The following CEP57 variants were observed in gnomAD, a reference collection of about 807,000 sequenced individuals.
CEP57 encodes the protein centrosomal protein of 57 kDa.
A neutral mutation model predicts 68.0 loss-of-function variants in CEP57; 40 were observed. That is an observed-to-expected ratio of 0.59 (90% CI 0.46 to 0.77). The LOEUF (loss-of-function observed/expected upper bound fraction) is 0.77, where lower values mean the gene tolerates loss of function less well. Ranked by LOEUF, CEP57 falls within the 30% of genes least tolerant of loss-of-function variation. The probability of loss-of-function intolerance (pLI) is 0.00; values close to 1 mark genes in which losing one functional copy is unlikely to be tolerated. For missense variants in CEP57, 606 were observed against 580.7 expected, an observed-to-expected ratio of 1.04 and a Z score of -0.45; for synonymous variants, 219 against 198.7, an observed-to-expected ratio of 1.10 and a Z score of -0.86.
At chr11:95,812,823 T>A (rs1423225700) in intron 2 of CEP57, 109 bp from the exon 3 acceptor site, 2 of 930,098 alleles carry the variant, frequency 2.2e-6, no homozygotes, top group Admixed American at 1.7e-5. Context: ...GATCCTCCAC[T>A]GGACTCATCC....
At chr11:95,811,685 A>C (rs1862068427) in intron 2 of CEP57, among the ~76,000 whole-genome samples, 1 of 152,176 alleles carries the variant, frequency 6.6e-6, no homozygotes, top group African/African-American at 2.4e-5. Context: ...AAAATGAAGA[A>C]AACTTTTTCC....
intron 4 of CEP57, chr11:95,815,170 T>C (rs1862251809): frequency 6.6e-6 from 1 of 152,246 alleles, no homozygotes; most frequent in African/African-American, 2.4e-5. Flanking sequence ...TTACCGTGTA[T>C]GCTTTCTACC....
chr11:95,813,338 T>C, intron 3 of CEP57, 130 bp from the exon 4 acceptor site: 2 of 1,167,268 alleles, frequency 1.7e-6, no homozygotes, highest in East Asian at 5.0e-5. Context: ...ATTTAGGTAA[T>C]CTGAAAAGGC....
chr11:95,812,995 A>G lies in CEP57; in HGVS notation c.266A>G (p.Gln89Arg). Residue 89 changes from glutamine to arginine, a missense_variant, in exon 3 of 11, where the codon CAG becomes CGG. Transcript: ENST00000325542. Reference sequence around the variant, plus strand: ...CGACGCTTGGAACTTGAGAGGATTCAGGCAGAAGAAAGTGTGAAAACCTTG... The same window carrying G: ...CGACGCTTGGAACTTGAGAGGATTCGGGCAGAAGAAAGTGTGAAAACCTTG... ...KIRRLELERI[Q>R]AEESVKTLSR... The G allele has an allele frequency of 1.9e-6, 3 of 1,614,100 alleles. No individual in the cohort carries two copies. The highest frequency in any genetic ancestry group is 2.5e-6 in the Non-Finnish European group (3 of 1,179,996).
At position 95,818,825 on chromosome 11, in the gene CEP57, A is replaced by G; in HGVS notation, c.622-2A>G. 5 of 1,612,668 alleles carry G rather than the reference A, an allele frequency of 3.1e-6. No individual in the cohort carries two copies. The highest frequency in any genetic ancestry group is 4.2e-6 in the Non-Finnish European group (5 of 1,178,722). ...TATCCCTTTTGACATTTTTATCACT[A>G]GAAAAAAATGCAAGAGTTGGAAGCA... On this transcript the variant is annotated splice_acceptor_variant, in intron 5 of 10. Transcript: ENST00000325542. LOFTEE classifies it high-confidence loss of function.
Position 95,799,318 on chromosome 11 carries a change from T to C in CEP57, c.132T>C (p.Pro44=), listed in dbSNP as rs1028088557. 3.7e-6 allele frequency: 6 copies of C among 1,614,026 alleles called. No individual in the cohort carries two copies. The Admixed American group carries it at 5.0e-5, about 13-fold the overall frequency. Residue 44 remains proline, a synonymous_variant, in exon 2 of 11, where the codon CCT becomes CCC. Transcript: ENST00000325542. ...ATGTAGTATATCCTTCGGATAAGCC[T>C]TTCCTTAATAGTGATCTACGACGCT... ...SPYVVYPSDK[P]FLNSDLRRSP... is the part of the protein sequence containing the mutation.
intron 6 of CEP57, among the ~76,000 whole-genome samples, chr11:95,820,608 C>T (rs2135347909): frequency 6.8e-6 from 1 of 147,528 alleles, no homozygotes; most frequent in Non-Finnish European, 1.5e-5. Flanking sequence ...CAGTGTTCTG[C>T]ATTTTGCATC....
intron 8 of CEP57, chr11:95,827,451 G>A: frequency 3.5e-6 from 1 of 281,950 alleles, no homozygotes; most frequent in Non-Finnish European, 6.9e-6. Flanking sequence ...TTTAAAGAAT[G>A]ATATAAATGT....
At chr11:95,817,645 G>GC (rs755479917) in intron 4 of CEP57, 142 bp from the exon 5 acceptor site, 8 of 677,810 alleles carry the variant, frequency 1.2e-5, no homozygotes, top group Non-Finnish European at 2.2e-5. Context: ...ATTTATTGAT[G>GC]CCCCCTATGG....
rs543920220 is a variant in CEP57 at position 95,831,385 on chromosome 11, G to A, written c.*129G>A. The A allele has an allele frequency of 1.5e-4, 105 of 697,000 alleles. No individual in the cohort carries two copies. Among genetic ancestry groups the A allele is most frequent in the Non-Finnish European group, 2.4e-4 (93 of 393,882 alleles). The allele number at this position is 697,000 out of a possible 1,614,324, so 43.2% of individuals were successfully genotyped here. On this transcript the variant is annotated 3_prime_UTR_variant, in exon 11 of 11. Coordinates refer to ENST00000325542, the MANE Select transcript of CEP57 (RefSeq NM_014679.5). The stretch of plus-strand genomic sequence containing the variant: ...TAATAGCAGGTGTTAAAGGACCCAG[G>A]CTTCATTACACAGGCTTTTCATGTA...
At chr11:95,800,009 G>A (rs1327336893) in intron 2 of CEP57, among the ~76,000 whole-genome samples, 3 of 151,962 alleles carry the variant, frequency 2.0e-5, no homozygotes, top group Admixed American at 6.6e-5. Flanking sequence ...TTTATTCCTG[G>A]AACCTGCCAT....
chr11:95,806,755 A>G (rs1304748285), intron 2 of CEP57, among the ~76,000 whole-genome samples: 1 of 152,170 alleles, frequency 6.6e-6, no homozygotes, highest in Non-Finnish European at 1.5e-5. Context: ...CCGCAGCTCA[A>G]AGAGGCCTGC....
chr11:95,820,272 CAAT>C (rs1315518803), intron 6 of CEP57, among the ~76,000 whole-genome samples: 1 of 152,010 alleles, frequency 6.6e-6, no homozygotes, highest in Non-Finnish European at 1.5e-5. Context: ...ACTGAAAGAA[CAAT>C]GAGGGATAGA....
At chr11:95,829,124 A>G in intron 9 of CEP57, 63 bp from the exon 10 acceptor site, 2 of 1,553,268 alleles carry the variant, frequency 1.3e-6, no homozygotes, top group Non-Finnish European at 1.8e-6. Context: ...ATAATGAGGT[A>G]TAATAGACCT....
rs1018322860 is a variant in CEP57, at chr11:95,827,678, T to A, written c.886-108T>A. 4.1e-6 allele frequency: 5 copies of A among 1,221,100 alleles called. No homozygotes were observed. In the East Asian group the frequency reaches 9.3e-5, roughly 23 times the overall value. 75.6% of individuals were successfully genotyped at this position (1,221,100 alleles called of 1,614,324 possible). On this transcript the variant is annotated intron_variant, in intron 8 of 10. Coordinates refer to ENST00000325542, the MANE Select transcript of CEP57 (RefSeq NM_014679.5). ...GATGAGAATAATTTTAGGATTTATA[T>A]ACTCTACTTTAGGGGGTGGAGAGTT...
At chr11:95,790,469 A>G (rs1243168916), upstream of CEP57, 2 of 596,676 alleles carry the variant, frequency 3.4e-6, no homozygotes, top group Non-Finnish European at 6.0e-6. Flanking sequence ...TTGATTGGCT[A>G]GGAAAGACGT....
chr11:95,808,690 C>G (rs1226019626), intron 2 of CEP57, among the ~76,000 whole-genome samples: 2 of 152,106 alleles, frequency 1.3e-5, no homozygotes, highest in Non-Finnish European at 2.9e-5. Context: ...ACAGGAGCAC[C>G]CAGATTCATA....
chr11:95,792,939 G>T (rs374733083), intron 1 of CEP57, among the ~76,000 whole-genome samples: 5 of 151,224 alleles, frequency 3.3e-5, no homozygotes, highest in African/African-American at 1.2e-4. Context: ...AAAAAAACTT[G>T]TTAAAACTAT....
intron 8 of CEP57, chr11:95,825,717 C>G (rs1278435576): frequency 1.3e-5 from 2 of 152,152 alleles, no homozygotes; most frequent in East Asian, 3.9e-4. Context: ...CCACCTCAGC[C>G]TCCCAAGTAC....
Sources: gnomAD v4.1 joint callset for allele counts (sites outside exome capture counted in the v4.1 genomes callset) on GRCh38, gnomAD v4.1.1 for gene constraint, MANE v1.5 for transcripts, NCBI Gene and HGNC (gene_info 2026-07-23, HGNC 2026-07-21) for gene names.